TWF1: variants seen among roughly 807,000 people sequenced by gnomAD.
The protein encoded by TWF1 is twinfilin actin binding protein 1, also known as twinfilin-1.
In TWF1, 14 loss-of-function variants were observed where a neutral mutation model predicts 47.9. The ratio of observed to expected loss-of-function variants is 0.29; its 90% confidence interval spans 0.19 to 0.46. The LOEUF is 0.46. Among genes scored for constraint, TWF1 ranks in the 20% least tolerant of loss-of-function variants. The pLI is 1.00. For synonymous variants in TWF1, 96 were observed against 139.2 expected (o/e 0.69, Z 2.18); for missense variants, 281 against 409.3 (o/e 0.69, Z 2.70).
intron 8 of TWF1, 56 bp from the exon 9 acceptor site, chr12:43,795,811 TG>T: frequency 6.3e-7 from 1 of 1,578,736 alleles, no homozygotes; most frequent in Non-Finnish European, 8.7e-7. Flanking sequence ...AGCAACAAGC[TG>T]GTTTTCAGGT....
chr12:43,798,884 A>T (rs962842466), intron 5 of TWF1, among the ~76,000 whole-genome samples: 1 of 152,124 alleles, frequency 6.6e-6, no homozygotes, highest in Middle Eastern at 3.2e-3. Flanking sequence ...CACATTAAAA[A>T]TAATGATAAA....
intron 1 of TWF1, chr12:43,805,550 G>C (rs537454185): frequency 2.2e-6 from 1 of 458,940 alleles, no homozygotes; most frequent in African/African-American, 2.0e-5. Context: ...TTCAAACCAG[G>C]AAATAATGGA....
In TWF1 at chr12:43,800,465, G is replaced by A. The variant is rs767835789; in HGVS notation, c.348C>T (p.His116=). ...CTGTTCCAAATACTTCATCTTTAAT[G>A]TGGCCACCTCCAAATTCCTTCTTCA... is the stretch of plus-strand genomic sequence containing the variant. ...ATLKKEFGGG[H]IKDEVFGTVK... The change falls in exon 4 of 9, where the codon CAC becomes CAT. Residue 116 remains histidine (H), a synonymous_variant. Transcript: ENST00000395510. The A allele has an allele frequency of 1.9e-6, 3 of 1,613,214 alleles. No individual in the cohort carries two copies. Among genetic ancestry groups the A allele is most frequent in the Admixed American group, 1.7e-5 (1 of 59,968 alleles).
chr12:43,797,481 T>C (rs1942575630), intron 6 of TWF1, 29 bp from the exon 7 acceptor site: 1 of 1,515,996 alleles, frequency 6.6e-7, no homozygotes, highest in African/African-American at 1.4e-5. Context: ...ATATGTTCAT[T>C]AAAACCAGAT....
intron 8 of TWF1, 81 bp from the exon 9 acceptor site, chr12:43,795,836 C>G (rs751605586): frequency 2.9e-6 from 4 of 1,369,070 alleles, no homozygotes; most frequent in Non-Finnish European, 4.1e-6. Flanking sequence ...TGAATGCTCA[C>G]AAATAATACC....
At position 43,795,108 on chromosome 12, in the gene TWF1, G is replaced by C. The variant is rs1942526343; in HGVS notation, c.*477C>G. Reference sequence around the variant, plus strand: ...GCAGACATGATCCTACAGTCTGACAGAGCTAGCACAGCTACTCGGAGTAAG... The same window carrying C: ...GCAGACATGATCCTACAGTCTGACACAGCTAGCACAGCTACTCGGAGTAAG... On this transcript the variant is annotated 3_prime_UTR_variant, in exon 9 of 9. Transcript: ENST00000395510. The C allele has an allele frequency of 6.5e-6, 1 of 153,012 alleles. No homozygotes were observed. 9.5% of individuals were successfully genotyped at this position (153,012 alleles called of 1,614,324 possible).
intron 8 of TWF1, 131 bp downstream of exon 8, chr12:43,796,845 G>A (rs1782040575): frequency 1.1e-6 from 1 of 939,268 alleles, no homozygotes; most frequent in South Asian, 1.6e-5. Context: ...ACTTAGAGGA[G>A]ATCCTAAGGA....
At chr12:43,796,843 G>T in intron 8 of TWF1, 133 bp downstream of exon 8, 1 of 923,530 alleles carries the variant, frequency 1.1e-6, no homozygotes, top group Non-Finnish European at 1.6e-6. Flanking sequence ...GCACTTAGAG[G>T]AGATCCTAAG....
In TWF1 at chr12:43,802,287, T is replaced by G. The variant is rs1014723138; in HGVS notation, c.281A>C (p.His94Pro). The change falls in exon 3 of 9, where the codon CAT (histidine) becomes CCT (proline). Residue 94 changes from histidine to proline, a missense_variant and splice_region_variant. Transcript: ENST00000395510. ...IFIAWSPDHS[H>P]VRQKMLYAAT... ...ACAAACTATAAAAAAGTTACTTACA[T>G]GAGAATGATCTGGAGACCATGCAAT... The G allele has an allele frequency of 4.0e-6, 6 of 1,510,758 alleles. No individual in the cohort carries two copies. In the African/African-American group the frequency reaches 8.7e-5, roughly 22 times the overall value. The allele number at this position is 1,510,758 out of a possible 1,614,324, so 93.6% of individuals were successfully genotyped here.
intron 1 of TWF1, chr12:43,805,877 A>T (rs751313401): frequency 2.8e-6 from 4 of 1,443,254 alleles, no homozygotes; most frequent in Non-Finnish European, 3.7e-6. Context: ...CCACTGTCCC[A>T]GCTCTTCCCT....
rs1369551684 is a variant in TWF1 at position 43,799,446 on chromosome 12, G to C, written c.435C>G (p.Ala145=). The C allele has an allele frequency of 1.2e-6, 2 of 1,610,176 alleles. No individual in the cohort carries two copies. Among genetic ancestry groups the C allele is most frequent in the Admixed American group, 1.7e-5 (1 of 59,838 alleles). Residue 145 remains alanine, a synonymous_variant, in exon 5 of 9, where the codon GCC becomes GCG. Transcript: ENST00000395510. ...KKYLLSQSSP[A]PLTAAEEELR... ...GTTCTTCCTCAGCTGCAGTCAGTGG[G>C]GCAGGGGAAGATTGTGACAGCAAGT...
In TWF1 at chr12:43,797,328, T is replaced by C. The variant is rs573507092; in HGVS notation, c.734A>G (p.His245Arg). Residue 245 changes from histidine (H) to arginine (R), a missense_variant, in exon 7 of 9, where the codon CAT becomes CGT. His to Arg is a conservative substitution (Grantham distance 29). Coordinates refer to ENST00000395510, the MANE Select transcript of TWF1 (RefSeq NM_002822.5). ...TATGGACTCTAAATAGTCTCCTTCA[T>C]GGGAATGTTTATACAGAAAGAAATG... ...RYHFFLYKHS[H>R]EGDYLESIVF... The C allele has an allele frequency of 1.0e-5, 16 of 1,595,518 alleles. No individual in the cohort carries two copies. In the East Asian group the frequency reaches 1.8e-4, roughly 18 times the overall value.
intron 2 of TWF1, among the ~76,000 whole-genome samples, chr12:43,803,849 T>C (rs1942706595): frequency 6.6e-6 from 1 of 152,112 alleles, no homozygotes; most frequent in Admixed American, 6.5e-5. Context: ...TTTTCAGATA[T>C]TTAAGAAATT....
intron 1 of TWF1, 123 bp downstream of exon 1, chr12:43,806,098 G>T: frequency 6.6e-7 from 1 of 1,521,032 alleles, no homozygotes; most frequent in Non-Finnish European, 8.8e-7. Flanking sequence ...GGCCCGGCTC[G>T]CCCCGCGAGA....
chr12:43,796,722 T>C (rs1376832185), intron 8 of TWF1, among the ~76,000 whole-genome samples: 1 of 151,896 alleles, frequency 6.6e-6, no homozygotes, highest in African/African-American at 2.4e-5. Context: ...ATAAGGCTAG[T>C]GGAATTAAGA....
chr12:43,797,069 T>C lies in TWF1; in HGVS notation c.789A>G (p.Thr263=). 1 of 1,605,138 alleles carries C rather than the reference T, an allele frequency of 6.2e-7. No homozygotes were observed. Among genetic ancestry groups the C allele is most frequent in the Non-Finnish European group, 8.5e-7 (1 of 1,176,336 alleles). The change falls in exon 8 of 9, where the codon ACA becomes ACG. Residue 263 remains threonine, a synonymous_variant. Transcript: ENST00000395510. ...IVFIYSMPGY[T]CSIRERMLYS... Reference sequence around the variant, plus strand: ...ACAGCATCCGCTCTCTTATACTGCATGTGTATCCAGGCATTGAATAAATAA... The same window carrying C: ...ACAGCATCCGCTCTCTTATACTGCACGTGTATCCAGGCATTGAATAAATAA...
intron 2 of TWF1, among the ~76,000 whole-genome samples, chr12:43,803,895 CTGAG>C (rs149722114): frequency 3.0e-4 from 45 of 152,190 alleles, no homozygotes; most frequent in African/African-American, 9.4e-4. Context: ...TCATTTATGA[CTGAG>C]TACCTATAAC....
chr12:43,804,062 G>C, intron 2 of TWF1: 1 of 219,596 alleles, frequency 4.6e-6, no homozygotes, highest in Non-Finnish European at 9.5e-6. Flanking sequence ...TCATTTCTGT[G>C]GCAAAGGTTG....
chr12:43,802,486 AAG>A, intron 2 of TWF1, 22 bp from the exon 3 acceptor site: 1 of 1,568,140 alleles, frequency 6.4e-7, no homozygotes, highest in Non-Finnish European at 8.7e-7. Flanking sequence ...TATTTTTAGA[AAG>A]ATAGGTAAAT....
Sources: allele counts gnomAD v4.1 joint callset (sites outside exome capture counted in the v4.1 genomes callset), GRCh38; gene constraint gnomAD v4.1.1; transcripts MANE v1.5; gene names NCBI Gene and HGNC (gene_info 2026-07-23, HGNC 2026-07-21).